Variants in CCDC13 observed in about 807,000 individuals in gnomAD.
CCDC13 encodes coiled-coil domain-containing protein 13.
CCDC13 carries 70 observed loss-of-function variants against 87.3 expected under a neutral mutation model. The ratio of observed to expected loss-of-function variants is 0.80; its 90% CI spans 0.66 to 0.98. The LOEUF (loss-of-function observed/expected upper bound fraction) is 0.98. CCDC13 is among the 50% of genes least tolerant of loss of function. The pLI is 0.00. For missense variants in CCDC13, 842 were observed against 892.0 expected (o/e 0.94, Z 0.71); for synonymous variants, 317 against 360.3 (o/e 0.88, Z 1.36).
At chr3:42,720,825 C>G (rs1011362207) in intron 13 of CCDC13, among the ~76,000 whole-genome samples, 2 of 152,188 alleles carry the variant, frequency 1.3e-5, no homozygotes, top group East Asian at 1.9e-4. Flanking sequence ...AAAAGCACAA[C>G]AGGTTTTTCT....
intron 1 of CCDC13, chr3:42,770,726 G>A (rs1476203587): frequency 6.5e-6 from 1 of 152,838 alleles, no homozygotes; most frequent in Non-Finnish European, 1.5e-5. Flanking sequence ...CACCGTGAAG[G>A]TCTGCAGCTT....
At position 42,758,256 on chromosome 3, in the gene CCDC13, C is replaced by T. The variant is rs757265443; in HGVS notation, c.90G>A (p.Met30Ile). The change falls in exon 2 of 16, where the codon ATG becomes ATA. Residue 30 changes from methionine to isoleucine, a missense_variant. Coordinates refer to ENST00000310232, the MANE Select transcript of CCDC13 (RefSeq NM_144719.4). The part of the protein sequence containing the change: ...EMQHKRLQKQ[M>I]EKKREKELSL... ...TCAGTTCTTTTTCCCTCTTTTTCTC[C>T]ATCTGCTTCTGTAACCGTTTGTGCT... is the stretch of plus-strand genomic sequence containing the variant. 61 of 1,613,828 alleles carry T rather than the reference C, an allele frequency of 3.8e-5. No homozygotes were observed. The highest frequency in any genetic ancestry group is 5.1e-5 in the Non-Finnish European group (60 of 1,180,028).
intron 12 of CCDC13, 95 bp downstream of exon 12, chr3:42,732,792 C>T: frequency 1.8e-6 from 2 of 1,118,980 alleles, no homozygotes; most frequent in South Asian, 1.5e-5. Context: ...CTTTGCCTGG[C>T]CTCAGTTTCC....
intron 13 of CCDC13, among the ~76,000 whole-genome samples, chr3:42,718,455 A>T (rs533072177): frequency 6.6e-6 from 1 of 152,318 alleles, no homozygotes; most frequent in South Asian, 2.1e-4. Context: ...GTGTCTGTGG[A>T]GTAGCCATTC....
chr3:42,731,838 G>A (rs1433692682), intron 12 of CCDC13, among the ~76,000 whole-genome samples: 1 of 152,188 alleles, frequency 6.6e-6, no homozygotes, highest in African/African-American at 2.4e-5. Flanking sequence ...AGCTCCATGA[G>A]GGTAGGGCCC....
chr3:42,713,517 C>T (rs935440280), intron 13 of CCDC13, among the ~76,000 whole-genome samples: 1 of 152,192 alleles, frequency 6.6e-6, no homozygotes, highest in African/African-American at 2.4e-5. Context: ...AATTATCAGC[C>T]CACTCCCAGC....
intron 13 of CCDC13, among the ~76,000 whole-genome samples, chr3:42,720,263 AAG>A (rs1219762746): frequency 6.6e-6 from 1 of 152,232 alleles, no homozygotes; most frequent in Admixed American, 6.5e-5. Context: ...TGTTTAAAAA[AAG>A]GGAATTTACG....
intron 13 of CCDC13, 43 bp from the exon 14 acceptor site, chr3:42,713,359 AG>A: frequency 6.2e-7 from 1 of 1,606,460 alleles, no homozygotes. Flanking sequence ...CCTGGCAGGC[AG>A]GGGCAGGCCC....
At chr3:42,728,406 T>G (rs1055416099) in intron 13 of CCDC13, among the ~76,000 whole-genome samples, 1 of 99,388 alleles carries the variant, frequency 1.0e-5, no homozygotes, top group African/African-American at 3.8e-5. Context: ...CACCCTCCCC[T>G]GTGCAAGGCT....
chr3:42,756,964 C>G (rs753296515), intron 3 of CCDC13, 102 bp downstream of exon 3: 54 of 1,189,778 alleles, frequency 4.5e-5, no homozygotes, highest in Non-Finnish European at 5.8e-5. Flanking sequence ...ACAACTGACC[C>G]TTGGCACTCT....
rs576224338 is a variant in CCDC13 at position 42,758,477 on chromosome 3, A to T, written c.-6-126T>A. ...TCGCGTTGCATGTATGTCCACGCAGAAGCTTGGAAGCTCCACCCTCACCTC... is the reference window on the plus strand; with the variant it reads ...TCGCGTTGCATGTATGTCCACGCAGTAGCTTGGAAGCTCCACCCTCACCTC... On this transcript the variant is annotated intron_variant, in intron 1 of 15. Coordinates refer to ENST00000310232, the MANE Select transcript of CCDC13 (RefSeq NM_144719.4). 14 of 832,642 alleles carry T rather than the reference A, an allele frequency of 1.7e-5. No individual in the cohort carries two copies. In the South Asian group the frequency reaches 2.5e-4, roughly 15 times the overall value. The allele number at this position is 832,642 out of a possible 1,614,324, so 51.6% of individuals were successfully genotyped here. A position where few individuals can be genotyped will look rare whatever the true frequency, so the allele number is the denominator to read the frequency against.
At chr3:42,733,231 A>C in intron 11 of CCDC13, among the ~76,000 whole-genome samples, 1 of 152,214 alleles carries the variant, frequency 6.6e-6, no homozygotes, top group East Asian at 1.9e-4. Flanking sequence ...CCAGCTCAGA[A>C]AGGCTCTTAC....
At chr3:42,735,945 C>A in intron 9 of CCDC13, 32 bp from the exon 10 acceptor site, 3 of 1,593,694 alleles carry the variant, frequency 1.9e-6, no homozygotes, top group Admixed American at 1.8e-5. Context: ...CAGGTGGAGT[C>A]AGTCATGGCC....
chr3:42,752,329 C>T (rs112698063), intron 4 of CCDC13, among the ~76,000 whole-genome samples: 90 of 152,096 alleles, frequency 5.9e-4, no homozygotes, highest in African/African-American at 2.0e-3. Context: ...GTCTAGGAGG[C>T]GGGGCAAAAA....
At position 42,743,102 on chromosome 3, in the gene CCDC13, G is replaced by A. The variant is rs1421059967; in HGVS notation, c.826-45C>T. On this transcript the variant is annotated intron_variant, in intron 7 of 15. Transcript: ENST00000310232. ...TCGTTCCACAATGGGTCTTCTGCCA[G>A]CCTCTTCTACTCAGAAGTGTGATAG... is the stretch of plus-strand genomic sequence containing the variant. The A allele has an allele frequency of 6.2e-6, 10 of 1,607,368 alleles. No individual in the cohort carries two copies. The South Asian group carries it at 1.1e-4, about 18-fold the overall frequency.
intron 9 of CCDC13, among the ~76,000 whole-genome samples, chr3:42,737,942 T>C (rs1331595609): frequency 1.3e-5 from 2 of 152,252 alleles, no homozygotes; most frequent in Non-Finnish European, 2.9e-5. Context: ...ATTTTGGCTT[T>C]TGCTGCCATT....
intron 4 of CCDC13, 34 bp downstream of exon 4, chr3:42,752,541 C>T (rs1487554178): frequency 4.3e-6 from 7 of 1,612,972 alleles, no homozygotes; most frequent in Non-Finnish European, 5.9e-6. Flanking sequence ...TGCTAGGAGT[C>T]CCCTCCAGAG....
chr3:42,759,254 A>G (rs1699776658), intron 1 of CCDC13, among the ~76,000 whole-genome samples: 1 of 151,774 alleles, frequency 6.6e-6, no homozygotes, highest in Admixed American at 6.6e-5. Context: ...GGCTGCAGTG[A>G]GCCATGATTG....
chr3:42,732,917 G>T lies in CCDC13; in HGVS notation c.1565C>A (p.Ser522Tyr). ...TGAGGTCCTGTGGGGACTGGGCAGG[G>T]AAGGCCTCGTGAGAGCAGATTCCAC... ...TLVESALTRP[S>Y]LPSPHRTSPR... Residue 522 changes from serine to tyrosine, a missense_variant, in exon 12 of 16, where the codon TCC (serine) becomes TAC (tyrosine). Coordinates refer to ENST00000310232, the MANE Select transcript of CCDC13 (RefSeq NM_144719.4). 6.4e-7 allele frequency: 1 copy of T among 1,554,464 alleles called. No individual in the cohort carries two copies. Among genetic ancestry groups the T allele is most frequent in the Non-Finnish European group, 8.7e-7 (1 of 1,148,236 alleles).
Sources: allele counts gnomAD v4.1 joint callset (sites outside exome capture counted in the v4.1 genomes callset), GRCh38; gene constraint gnomAD v4.1.1; transcripts MANE v1.5; gene names NCBI Gene and HGNC (gene_info 2026-07-23, HGNC 2026-07-21).